TBC1D5: variants seen among roughly 807,000 people sequenced by gnomAD.
TBC1D5 encodes the protein TBC1 domain family, member 5.
In TBC1D5, 75 loss-of-function variants were observed where a neutral mutation model predicts 100.3. The observed-to-expected ratio is 0.75, with a 90% confidence interval of 0.62 to 0.91. The LOEUF (loss-of-function observed/expected upper bound fraction) is 0.91, where lower values mean the gene tolerates loss of function less well. Among genes scored for constraint, TBC1D5 ranks in the 40% least tolerant of loss-of-function variants. The probability of loss-of-function intolerance (pLI) is 0.00; values close to 1 mark genes in which losing one functional copy is unlikely to be tolerated. For synonymous variants in TBC1D5, 323 were observed against 325.6 expected, an observed-to-expected ratio of 0.99 and a Z score of 0.09; for missense variants, 910 against 942.4, an observed-to-expected ratio of 0.97 and a Z score of 0.45.
chr3:17,698,733 G>A (rs982516577), intron 1 of TBC1D5, among the ~76,000 whole-genome samples: 1 of 150,624 alleles, frequency 6.6e-6, no homozygotes, highest in African/African-American at 2.4e-5. Context: ...AGTGGGCAAA[G>A]GATATGAACC....
At chr3:17,166,808 C>G in exon 21 of TBC1D5, 1 of 1,614,088 alleles carries the variant, frequency 6.2e-7, no homozygotes. Context: ...TGGCCTTGGC[C>G]TCGGCCCTGG....
intron 15 of TBC1D5, among the ~76,000 whole-genome samples, chr3:17,288,272 TCA>T (rs1455564511): frequency 2.0e-5 from 3 of 152,198 alleles, no homozygotes; most frequent in African/African-American, 7.2e-5. Flanking sequence ...GCTGTTTTTC[TCA>T]CTTTACTTTT....
intron 1 of TBC1D5, among the ~76,000 whole-genome samples, chr3:17,727,308 G>A (rs186729942): frequency 1.3e-5 from 2 of 152,320 alleles, no homozygotes; most frequent in East Asian, 1.9e-4. Context: ...TTGATCCCGG[G>A]AGGCAGAGGT....
intron 16 of TBC1D5, among the ~76,000 whole-genome samples, chr3:17,257,999 T>C (rs2077882152): frequency 1.3e-5 from 2 of 152,162 alleles, no homozygotes; most frequent in Non-Finnish European, 2.9e-5. Flanking sequence ...CAATGTTAAC[T>C]TCTTTAAAAA....
chr3:17,738,557 A>T (rs1181115188), intron 1 of TBC1D5, among the ~76,000 whole-genome samples: 1 of 152,212 alleles, frequency 6.6e-6, no homozygotes, highest in Non-Finnish European at 1.5e-5. Flanking sequence ...AATTATTATT[A>T]ATAGCTGAAA....
intron 3 of TBC1D5, among the ~76,000 whole-genome samples, chr3:17,431,207 T>C (rs573451037): frequency 3.9e-5 from 6 of 152,088 alleles, no homozygotes; most frequent in Admixed American, 1.3e-4. Flanking sequence ...ATTCTGATCC[T>C]TGAACTAAGT....
intron 14 of TBC1D5, among the ~76,000 whole-genome samples, chr3:17,305,714 C>T (rs186750023): frequency 6.6e-6 from 1 of 152,302 alleles, no homozygotes; most frequent in East Asian, 1.9e-4. Flanking sequence ...TTCCCAGTCA[C>T]TCATACCTCC....
intron 3 of TBC1D5, among the ~76,000 whole-genome samples, chr3:17,467,036 G>A (rs1192327386): frequency 6.6e-6 from 1 of 151,986 alleles, no homozygotes; most frequent in Admixed American, 6.6e-5. Flanking sequence ...ATTATTAATA[G>A]TGGGTATGAC....
At chr3:17,261,684 G>C (rs1200370623) in intron 15 of TBC1D5, among the ~76,000 whole-genome samples, 2 of 152,070 alleles carry the variant, frequency 1.3e-5, no homozygotes, top group African/African-American at 4.8e-5. Flanking sequence ...AACATGCCTA[G>C]ATAATTCTTT....
intron 15 of TBC1D5, among the ~76,000 whole-genome samples, chr3:17,289,946 T>C (rs994318361): frequency 1.3e-5 from 2 of 152,254 alleles, no homozygotes; most frequent in Non-Finnish European, 2.9e-5. Flanking sequence ...CACTTAACTA[T>C]ATCTACCATT....
chr3:17,328,703 TAGAA>T (rs1189024595), intron 13 of TBC1D5, among the ~76,000 whole-genome samples: 2 of 152,176 alleles, frequency 1.3e-5, no homozygotes, highest in Non-Finnish European at 2.9e-5. Context: ...AGTGGAGACC[TAGAA>T]AGAAAGTTAT....
intron 3 of TBC1D5, among the ~76,000 whole-genome samples, chr3:17,455,326 GTATATA>G (rs2095043741): frequency 1.5e-5 from 2 of 135,458 alleles, no homozygotes; most frequent in Admixed American, 7.2e-5. Context: ...GTGTATATGT[GTATATA>G]TGTATATGTA....
chr3:17,339,105 A>G (rs969059920), intron 13 of TBC1D5, among the ~76,000 whole-genome samples: 10 of 152,242 alleles, frequency 6.6e-5, no homozygotes, highest in African/African-American at 1.4e-4. Flanking sequence ...TGAAAGTGCA[A>G]TTGTGGTTGT....
At chr3:17,602,128 G>T (rs115402994) in intron 2 of TBC1D5, among the ~76,000 whole-genome samples, 2,624 of 152,286 alleles carry the variant, frequency 0.017, 70 homozygotes, top group African/African-American at 0.059. Context: ...ATTGCGCCCG[G>T]CCAATAAGTG....
intron 1 of TBC1D5, among the ~76,000 whole-genome samples, chr3:17,724,097 A>AG (rs1458209629): frequency 2.1e-5 from 2 of 96,208 alleles, no homozygotes; most frequent in African/African-American, 8.7e-5. Flanking sequence ...TTTTTTTTTG[A>AG]GACAAACTCT....
intron 3 of TBC1D5, among the ~76,000 whole-genome samples, chr3:17,445,634 C>T (rs531457181): frequency 6.6e-6 from 1 of 152,222 alleles, no homozygotes; most frequent in South Asian, 2.1e-4. Context: ...TTGAAAGAGA[C>T]TACATTCACT....
At chr3:17,706,275 A>T in intron 1 of TBC1D5, 3 of 1,545,030 alleles carry the variant, frequency 1.9e-6, no homozygotes, top group Non-Finnish European at 1.7e-6. Context: ...CTCAGCTCTA[A>T]AGAGTTGAAC....
intron 2 of TBC1D5, among the ~76,000 whole-genome samples, chr3:17,540,496 A>C (rs1028874214): frequency 6.6e-6 from 1 of 152,050 alleles, no homozygotes; most frequent in African/African-American, 2.4e-5. Flanking sequence ...TAATTTTTGT[A>C]TACTGTGTTA....
At chr3:17,493,571 T>C (rs1305639129) in intron 3 of TBC1D5, among the ~76,000 whole-genome samples, 1 of 152,206 alleles carries the variant, frequency 6.6e-6, no homozygotes, top group East Asian at 1.9e-4. Context: ...CAGTCAGTTG[T>C]AGATTTGGTC....
Sources: gnomAD v4.1 joint callset for allele counts (sites outside exome capture counted in the v4.1 genomes callset) on GRCh38, gnomAD v4.1.1 for gene constraint, MANE v1.5 for transcripts, NCBI Gene and HGNC (gene_info 2026-07-23, HGNC 2026-07-21) for gene names.